The following HECTD4 variants were observed in gnomAD, a reference collection of about 807,000 sequenced individuals.
HECTD4 encodes HECT domain E3 ubiquitin protein ligase 4, also known as probable E3 ubiquitin-protein ligase HECTD4.
HECTD4 carries 114 observed loss-of-function variants against 471.5 expected under a neutral mutation model. The observed-to-expected ratio is 0.24, with a 90% CI of 0.21 to 0.28. HECTD4 has a LOEUF of 0.28. Among genes scored for constraint, HECTD4 ranks in the 10% least tolerant of loss-of-function variants. HECTD4 has a pLI of 1.00. For missense variants in HECTD4, 3,866 were observed against 5,651.5 expected, an observed-to-expected ratio of 0.68 and a Z score of 10.13; for synonymous variants, 2,012 against 2,256.0, an observed-to-expected ratio of 0.89 and a Z score of 3.07.
intron 64 of HECTD4, among the ~76,000 whole-genome samples, chr12:112,177,379 T>G (rs1353065137): frequency 7.6e-6 from 1 of 131,042 alleles, no homozygotes; most frequent in Non-Finnish European, 1.5e-5. Flanking sequence ...ATGAGGCTAT[T>G]TTTTTTTTTT....
intron 1 of HECTD4, among the ~76,000 whole-genome samples, chr12:112,331,191 C>G (rs2035839625): frequency 6.6e-6 from 1 of 152,158 alleles, no homozygotes; most frequent in Non-Finnish European, 1.5e-5. Context: ...ATGCCTCAAT[C>G]TCCCTAGTAG....
At chr12:112,223,486 C>T (rs945949348) in intron 44 of HECTD4, among the ~76,000 whole-genome samples, 4 of 152,158 alleles carry the variant, frequency 2.6e-5, no homozygotes, top group African/African-American at 9.7e-5. Flanking sequence ...GTGGCACGAT[C>T]TCAGCTCATG....
intron 1 of HECTD4, among the ~76,000 whole-genome samples, chr12:112,330,905 G>A (rs1241194549): frequency 1.3e-5 from 2 of 152,120 alleles, no homozygotes; most frequent in Non-Finnish European, 2.9e-5. Context: ...GTGAGGGGGA[G>A]GGGACATCAG....
At chr12:112,236,816 G>A in intron 35 of HECTD4, 129 bp downstream of exon 35, 3 of 779,222 alleles carry the variant, frequency 3.8e-6, no homozygotes, top group Non-Finnish European at 5.6e-6. Flanking sequence ...TTATTTTTTT[G>A]AGGCAAGAGT....
chr12:112,348,075 C>T (rs1165155578), intron 1 of HECTD4, among the ~76,000 whole-genome samples: 1 of 152,138 alleles, frequency 6.6e-6, no homozygotes, highest in African/African-American at 2.4e-5. Flanking sequence ...ATAATCTGAA[C>T]ATTTTAAAGA....
At chr12:112,309,533 A>T in intron 5 of HECTD4, 28 bp downstream of exon 5, 1 of 957,688 alleles carries the variant, frequency 1.0e-6, no homozygotes, top group Non-Finnish European at 1.6e-6. Flanking sequence ...TTCTAGCCCA[A>T]TCATTCAGGA....
chr12:112,331,757 C>A (rs1566114655), intron 1 of HECTD4, among the ~76,000 whole-genome samples: 2 of 152,094 alleles, frequency 1.3e-5, no homozygotes, highest in East Asian at 1.9e-4. Flanking sequence ...GTGGCATAAG[C>A]GAGGTTTGAG....
intron 7 of HECTD4, among the ~76,000 whole-genome samples, chr12:112,284,407 G>A (rs2034706588): frequency 6.6e-6 from 1 of 152,178 alleles, no homozygotes. Flanking sequence ...AGTGCAAAGT[G>A]GCAAATCTTC....
chr12:112,216,709 C>CACCT, intron 47 of HECTD4, 64 bp downstream of exon 47: 1 of 1,543,064 alleles, frequency 6.5e-7, no homozygotes, highest in Non-Finnish European at 8.8e-7. Context: ...ACTTCCTGAA[C>CACCT]ACCTATACAC....
In HECTD4 at chr12:112,382,351, C is replaced by T. The variant is rs1372371265; in HGVS notation, c.-223G>A. The stretch of plus-strand genomic sequence containing the variant: ...CTGCCGCCGCCGCCGCCGCCGCCGC[C>T]GCCGCCGCCCTCAGGAGCAGGATCC... On this transcript the variant is annotated 5_prime_UTR_variant, in exon 1 of 76. Coordinates refer to ENST00000682272, the MANE Select transcript of HECTD4 (RefSeq NM_001388303.1). 9.9e-6 allele frequency: 4 copies of T among 405,456 alleles called. No individual in the cohort carries two copies. The highest frequency in any genetic ancestry group is 9.0e-5 in the Admixed American group (2 of 22,306). 25.1% of individuals were successfully genotyped at this position (405,456 alleles called of 1,614,324 possible).
rs570049819 is a variant in HECTD4 at position 112,315,895 on chromosome 12, T to TA, written c.696-1350dup. ...TAGGCAACGGAATGAGACCATGTCTTAAAAAAAAAAAAAAAAAAAAAAAGA... is the reference window on the plus strand; with the variant it reads ...TAGGCAACGGAATGAGACCATGTCTTAAAAAAAAAAAAAAAAAAAAAAAAGA... On this transcript the variant is annotated intron_variant, in intron 2 of 75. Coordinates refer to ENST00000682272, the MANE Select transcript of HECTD4 (RefSeq NM_001388303.1). Among the ~76,000 whole-genome samples the TA allele has an allele frequency of 7.0e-3, 651 of 92,920 alleles. 5 individuals are homozygous for TA. Among genetic ancestry groups the TA allele is most frequent in the African/African-American group, 0.013 (310 of 24,114 alleles). The allele number at this position is 92,920 out of a possible 152,430, so 61.0% of individuals were successfully genotyped here. A position where few individuals can be genotyped will look rare whatever the true frequency, so the allele number is the denominator to read the frequency against.
Position 112,185,334 on chromosome 12 carries a change from A to G in HECTD4, c.9632T>C (p.Met3211Thr). The G allele has an allele frequency of 1.3e-6, 2 of 1,593,654 alleles. No homozygotes were observed. The highest frequency in any genetic ancestry group is 2.3e-5 in the East Asian group (1 of 43,948). The stretch of plus-strand genomic sequence containing the variant: ...GAGCTCCGACTGCAAGGCCATCAGC[A>G]TGGCCAGGCAGGGGTTCAGCTGGAG... Reference protein sequence around the residue: ...IALQLNPCLAMLMALQSELHK... With the variant: ...IALQLNPCLATLMALQSELHK... The change falls in exon 61 of 76, where the codon ATG (methionine) becomes ACG (threonine). Residue 3211 changes from methionine to threonine, a missense_variant. Around this residue, in one of 16 missense-constraint regions of HECTD4, gnomAD observed 364 missense variants for 413.2 expected, o/e 0.88. Transcript: ENST00000682272.
At chr12:112,337,314 C>T (rs1381291749) in intron 1 of HECTD4, among the ~76,000 whole-genome samples, 1 of 152,136 alleles carries the variant, frequency 6.6e-6, no homozygotes, top group African/African-American at 2.4e-5. Context: ...AAATGATATA[C>T]TTGATGAGAC....
At chr12:112,203,516 C>T (rs1271543676) in intron 54 of HECTD4, 120 bp downstream of exon 54, 3 of 824,748 alleles carry the variant, frequency 3.6e-6, no homozygotes, top group East Asian at 6.1e-5. Context: ...TTTGTGTCTT[C>T]GTCCCTGATT....
chr12:112,307,163 T>C (rs991884352), intron 6 of HECTD4, among the ~76,000 whole-genome samples: 3 of 152,210 alleles, frequency 2.0e-5, no homozygotes, highest in Non-Finnish European at 2.9e-5. Context: ...CAATGTTCAA[T>C]TTCCCATTAC....
rs999771432 is a variant in HECTD4, at chr12:112,269,556, C to T, written c.2321+148G>A. On this transcript the variant is annotated intron_variant, in intron 13 of 75. Coordinates refer to ENST00000682272, the MANE Select transcript of HECTD4 (RefSeq NM_001388303.1). ...CCTCTGAAGGTGGGGCCACAAACCC[C>T]TCTCCAGTGAAATTATCCCCAATCC... The T allele has an allele frequency of 8.6e-6, 7 of 809,628 alleles. No homozygotes were observed. In the Admixed American group the frequency reaches 1.1e-4, roughly 13 times the overall value. The allele number at this position is 809,628 out of a possible 1,614,324, so 50.2% of individuals were successfully genotyped here.
chr12:112,231,582 A>G lies in HECTD4; in HGVS notation c.6131T>C (p.Leu2044Pro), dbSNP rs190649562. 1.9e-6 allele frequency: 3 copies of G among 1,614,002 alleles called. No homozygotes were observed. Among genetic ancestry groups the G allele is most frequent in the South Asian group, 1.1e-5 (1 of 91,078 alleles). Residue 2044 changes from leucine (L) to proline (P), a missense_variant, in exon 39 of 76, where the codon CTA (leucine) becomes CCA (proline). Physicochemically the swap from Leu to Pro is moderately conservative, Grantham distance 98. Around this residue, in one of 16 missense-constraint regions of HECTD4, gnomAD observed 617 missense variants for 915.1 expected, o/e 0.67. Coordinates refer to ENST00000682272, the MANE Select transcript of HECTD4 (RefSeq NM_001388303.1). The stretch of plus-strand genomic sequence containing the variant: ...AGTTTTCTTTTTGTCGCCTGTGGAT[A>G]GTCCACTCACAGTCTCTGGGTTGAT... ...ESINPETVSGLSTGDKKKTAQ... is the reference protein window; with the variant it reads ...ESINPETVSGPSTGDKKKTAQ...
chr12:112,236,939 G>A lies in HECTD4; in HGVS notation c.5444+6C>T. On this transcript the variant is annotated splice_donor_region_variant and intron_variant, in intron 35 of 75. Transcript: ENST00000682272. Reference sequence around the variant, plus strand: ...CTCCCAGAGCTCCAGGCTGGACCTTGCATACCTTGAGAGATCATTGAGAAG... The same window carrying A: ...CTCCCAGAGCTCCAGGCTGGACCTTACATACCTTGAGAGATCATTGAGAAG... 6.3e-7 allele frequency: 1 copy of A among 1,599,138 alleles called. No homozygotes were observed. Among genetic ancestry groups the A allele is most frequent in the Non-Finnish European group, 8.5e-7 (1 of 1,170,934 alleles).
chr12:112,251,025 A>T lies in HECTD4; in HGVS notation c.3662T>A (p.Ile1221Asn), dbSNP rs2135589126. ...MLRILYNGPE[I>N]TKEEEACQEL... is the part of the protein sequence containing the mutation. The stretch of plus-strand genomic sequence containing the variant: ...CTGACAGGCTTCTTCTTCTTTGGTA[A>T]TTTCTGGTCCATTGTACAGGATTCT... Residue 1221 changes from isoleucine to asparagine, a missense_variant, in exon 24 of 76, where the codon ATT becomes AAT. Transcript: ENST00000682272. The T allele has an allele frequency of 6.2e-7, 1 of 1,613,900 alleles. No individual in the cohort carries two copies. Among genetic ancestry groups the T allele is most frequent in the Middle Eastern group, 1.6e-4 (1 of 6,062 alleles).
Sources: allele counts gnomAD v4.1 joint callset (sites outside exome capture counted in the v4.1 genomes callset), GRCh38; gene constraint gnomAD v4.1.1; regional missense constraint gnomAD v4.1.1; transcripts MANE v1.5; gene names NCBI Gene and HGNC (gene_info 2026-07-23, HGNC 2026-07-21).